The following DOCK2 variants were observed in gnomAD, a reference collection of about 807,000 sequenced individuals.
The protein encoded by DOCK2 is dedicator of cytokinesis 2, also known as dedicator of cytokinesis protein 2.
Under a neutral mutation model 248.9 loss-of-function variants are expected in DOCK2, and 87 were observed. That is an observed-to-expected ratio of 0.35 (90% CI 0.29 to 0.42). The LOEUF (loss-of-function observed/expected upper bound fraction) is 0.42. Among genes scored for constraint, DOCK2 ranks in the 10% least tolerant of loss-of-function variants. The pLI is 1.00. For missense variants in DOCK2, 1,747 were observed against 2,300.2 expected (o/e 0.76, Z 4.92); for synonymous variants, 805 against 821.6 (o/e 0.98, Z 0.35).
At chr5:169,886,225 G>T (rs1325172199) in intron 27 of DOCK2, among the ~76,000 whole-genome samples, 1 of 152,182 alleles carries the variant, frequency 6.6e-6, no homozygotes, top group African/African-American at 2.4e-5. Context: ...AGAGTTTCAT[G>T]AGCAGGTGGT....
intron 1 of DOCK2, among the ~76,000 whole-genome samples, chr5:169,643,299 T>C (rs561033507): frequency 6.6e-6 from 1 of 152,254 alleles, no homozygotes; most frequent in South Asian, 2.1e-4. Context: ...TGACCGCCAA[T>C]GTGGACACTT....
chr5:169,899,414 C>T (rs917331832), intron 27 of DOCK2, among the ~76,000 whole-genome samples: 19 of 152,158 alleles, frequency 1.2e-4, no homozygotes, highest in African/African-American at 4.6e-4. Flanking sequence ...GAGAGCCTGC[C>T]TACCACCTAC....
intron 2 of DOCK2, among the ~76,000 whole-genome samples, chr5:169,667,434 G>A (rs958570324): frequency 3.9e-5 from 6 of 152,230 alleles, no homozygotes; most frequent in Non-Finnish European, 8.8e-5. Flanking sequence ...GTGTCGCTCT[G>A]AGGATTAAAT....
chr5:169,743,534 C>T (rs1400309717), intron 22 of DOCK2, among the ~76,000 whole-genome samples: 4 of 152,156 alleles, frequency 2.6e-5, no homozygotes, highest in Admixed American at 1.3e-4. Flanking sequence ...CAATATTAAG[C>T]ACTTAAAAAT....
At chr5:169,660,381 G>T (rs760521412) in intron 2 of DOCK2, among the ~76,000 whole-genome samples, 1 of 152,152 alleles carries the variant, frequency 6.6e-6, no homozygotes, top group Admixed American at 6.5e-5. Flanking sequence ...GAATGAGGGA[G>T]GAGATGGATA....
At chr5:169,740,352 A>C (rs749702916) in intron 22 of DOCK2, among the ~76,000 whole-genome samples, 2 of 151,768 alleles carry the variant, frequency 1.3e-5, no homozygotes, top group African/African-American at 4.8e-5. Context: ...CAGTGATTGC[A>C]TTAATTTTTA....
intron 27 of DOCK2, among the ~76,000 whole-genome samples, chr5:169,952,238 A>G (rs1776691754): frequency 6.6e-6 from 1 of 152,202 alleles, no homozygotes; most frequent in Admixed American, 6.5e-5. Context: ...AGCACTGGGA[A>G]GAGACCTGTT....
Position 170,082,861 on chromosome 5 carries a change from T to G in DOCK2, c.*3T>G, listed in dbSNP as rs1581583248. 1 of 1,614,204 alleles carries G rather than the reference T, an allele frequency of 6.2e-7. No homozygotes were observed. The highest frequency in any genetic ancestry group is 8.5e-7 in the Non-Finnish European group (1 of 1,180,024). ...ACTCGCTGTCCACGGACCTGTGAGC[T>G]GCTGCTGACTAGGGCTGCATGGGAG... On this transcript the variant is annotated 3_prime_UTR_variant, in exon 52 of 52. Coordinates refer to ENST00000520908, the MANE Select transcript of DOCK2 (RefSeq NM_004946.3).
Position 169,708,275 on chromosome 5 carries a change from TTAA to T in DOCK2, c.1482+14_1482+16del. The T allele has an allele frequency of 1.2e-6, 2 of 1,612,244 alleles. No individual in the cohort carries two copies. The highest frequency in any genetic ancestry group is 1.7e-4 in the Middle Eastern group (1 of 6,058). On this transcript the variant is annotated intron_variant, in intron 15 of 51. Coordinates refer to ENST00000520908, the MANE Select transcript of DOCK2 (RefSeq NM_004946.3). ...TGGATGGAAACAGTCAAGGTAATAA[TTAA>T]TAATAGCAGCAAACACATGTCTAGT... is the stretch of plus-strand genomic sequence containing the variant.
chr5:170,068,894 C>T (rs1382167395), intron 45 of DOCK2, among the ~76,000 whole-genome samples: 4 of 152,174 alleles, frequency 2.6e-5, no homozygotes, highest in Non-Finnish European at 5.9e-5. Flanking sequence ...GCTACTGGCT[C>T]AGGAACCTGA....
chr5:169,894,086 C>T (rs1312368593), intron 27 of DOCK2, among the ~76,000 whole-genome samples: 1 of 152,086 alleles, frequency 6.6e-6, no homozygotes, highest in Non-Finnish European at 1.5e-5. Context: ...CTCCAGTGAC[C>T]CCTTGCTTGT....
intron 47 of DOCK2, among the ~76,000 whole-genome samples, 191 bp downstream of exon 47, chr5:170,076,275 A>G (rs769792379): frequency 6.6e-6 from 1 of 152,176 alleles, no homozygotes. Flanking sequence ...AGTAACCCCC[A>G]GACAAACTCC....
At chr5:169,754,836 T>C (rs991290512) in intron 23 of DOCK2, among the ~76,000 whole-genome samples, 1 of 152,184 alleles carries the variant, frequency 6.6e-6, no homozygotes, top group Admixed American at 6.5e-5. Flanking sequence ...TTTCCACTCA[T>C]AGAGTAGTTG....
At chr5:169,917,595 C>G (rs1193968031) in intron 27 of DOCK2, among the ~76,000 whole-genome samples, 1 of 152,132 alleles carries the variant, frequency 6.6e-6, no homozygotes, top group Non-Finnish European at 1.5e-5. Flanking sequence ...TGATGATTTT[C>G]TAATCGATTG....
chr5:169,916,115 T>G (rs138096916), intron 27 of DOCK2, among the ~76,000 whole-genome samples: 13 of 152,202 alleles, frequency 8.5e-5, no homozygotes, highest in Non-Finnish European at 1.9e-4. Context: ...CAAACTAGAT[T>G]TGAGGTCTTC....
intron 27 of DOCK2, among the ~76,000 whole-genome samples, chr5:169,941,482 G>C (rs1776244561): frequency 6.6e-6 from 1 of 152,178 alleles, no homozygotes; most frequent in Non-Finnish European, 1.5e-5. Context: ...GTTACTGCAG[G>C]TGCAAAGGCC....
intron 26 of DOCK2, among the ~76,000 whole-genome samples, chr5:169,810,989 T>A (rs261017): frequency 0.085 from 8,240 of 97,134 alleles, 258 homozygotes; most frequent in Middle Eastern, 0.13. Flanking sequence ...TCTCTCTCTC[T>A]CACACACACA....
chr5:169,675,548 T>C (rs1268439159), intron 6 of DOCK2, among the ~76,000 whole-genome samples: 1 of 152,174 alleles, frequency 6.6e-6, no homozygotes, highest in Non-Finnish European at 1.5e-5. Context: ...AGAGTTACTT[T>C]TAATGAGCCT....
intron 25 of DOCK2, among the ~76,000 whole-genome samples, chr5:169,795,395 G>A (rs901409084): frequency 4.6e-5 from 7 of 152,200 alleles, no homozygotes; most frequent in Admixed American, 2.0e-4. Flanking sequence ...GGTTCATAAA[G>A]TGGAGACGTA....
Sources: allele counts gnomAD v4.1 joint callset (sites outside exome capture counted in the v4.1 genomes callset), GRCh38; gene constraint gnomAD v4.1.1; transcripts MANE v1.5; gene names NCBI Gene and HGNC (gene_info 2026-07-23, HGNC 2026-07-21).